DZIP1L: variants seen among roughly 807,000 people sequenced by gnomAD.
The protein encoded by DZIP1L is DAZ interacting zinc finger protein 1 like, also known as cilium assembly protein DZIP1L.
Under a neutral mutation model 88.7 loss-of-function variants are expected in DZIP1L, and 90 were observed. The observed-to-expected ratio is 1.02, with a 90% confidence interval of 0.86 to 1.21. DZIP1L has a LOEUF of 1.21. Among genes scored for constraint, DZIP1L ranks in the 50% most tolerant of loss-of-function variants. The pLI, the probability that DZIP1L is intolerant of heterozygous loss-of-function variation, is 0.00. For synonymous variants in DZIP1L, 363 were observed against 372.1 expected (o/e 0.98, Z 0.28); for missense variants, 932 against 955.8 (o/e 0.98, Z 0.33).
Position 138,103,540 on chromosome 3 carries a change from G to T in DZIP1L, c.432C>A (p.Arg144=). The T allele has an allele frequency of 6.2e-7, 1 of 1,610,740 alleles. No individual in the cohort carries two copies. ...GGGTGCTGATCATCTTGCGACGCCGGCGGCTCTCCTCCCGCACACCCTTGA... is the reference window on the plus strand; with the variant it reads ...GGGTGCTGATCATCTTGCGACGCCGTCGGCTCTCCTCCCGCACACCCTTGA... The part of the protein sequence containing the change: ...DELKGVREES[R]RRRKMISTLQ... Residue 144 remains arginine (R), a synonymous_variant, in exon 2 of 16, where the codon CGC becomes CGA. Transcript: ENST00000327532.
At chr3:138,072,585 A>G (rs1392511080) in intron 11 of DZIP1L, among the ~76,000 whole-genome samples, 1 of 152,192 alleles carries the variant, frequency 6.6e-6, no homozygotes, top group Non-Finnish European at 1.5e-5. Flanking sequence ...ATTTAATAAT[A>G]GATTTCATTG....
At chr3:138,101,526 A>C in intron 2 of DZIP1L, 1 of 798,136 alleles carries the variant, frequency 1.3e-6, no homozygotes, top group Non-Finnish European at 2.2e-6. Flanking sequence ...TCCCATCGCA[A>C]GTCTCTATCT....
At chr3:138,106,763 C>T (rs943108704) in intron 1 of DZIP1L, among the ~76,000 whole-genome samples, 27 of 151,816 alleles carry the variant, frequency 1.8e-4, no homozygotes, top group African/African-American at 5.8e-4. Flanking sequence ...ACCTGGGAGG[C>T]GGAGCTTGCA....
intron 2 of DZIP1L, chr3:138,101,356 A>G: frequency 3.3e-6 from 2 of 607,900 alleles, no homozygotes; most frequent in Non-Finnish European, 5.9e-6. Context: ...AGGTGGGTTG[A>G]GGGCTAGGGC....
intron 11 of DZIP1L, among the ~76,000 whole-genome samples, chr3:138,072,956 G>A (rs1006437519): frequency 2.6e-5 from 4 of 152,120 alleles, no homozygotes; most frequent in African/African-American, 9.7e-5. Flanking sequence ...AATCCCCCTG[G>A]GAATATAACT....
At chr3:138,071,915 G>T in intron 11 of DZIP1L, 80 bp from the exon 12 acceptor site, 1 of 1,376,992 alleles carries the variant, frequency 7.3e-7, no homozygotes, top group Non-Finnish European at 9.8e-7. Context: ...ACCTGCTGCT[G>T]CTGGCCTGGG....
In DZIP1L at chr3:138,064,489, G is replaced by A. The variant is rs114750068; in HGVS notation, c.2142+139C>T. 1.0e-3 allele frequency: 1,692 copies of A among 1,611,432 alleles called. 14 individuals carry two copies. In the African/African-American group the frequency reaches 0.021, roughly 20 times the overall value. ...ATCTCTCCATGTGCACAGGGGCAGA[G>A]GGAGGTCACCCACAATGTCCCACTA... On this transcript the variant is annotated intron_variant, in intron 15 of 15. Transcript: ENST00000327532.
intron 2 of DZIP1L, chr3:138,103,061 CACA>C (rs1576498432): frequency 4.6e-6 from 2 of 438,484 alleles, no homozygotes; most frequent in East Asian, 9.1e-5. Flanking sequence ...ATAGTACAAG[CACA>C]CATTACACAC....
intron 1 of DZIP1L, among the ~76,000 whole-genome samples, chr3:138,110,531 A>G (rs1456104487): frequency 2.6e-5 from 4 of 152,208 alleles, no homozygotes; most frequent in Admixed American, 2.6e-4. Context: ...GCTCACAGTC[A>G]AAGTTCCCTG....
rs1942747850 is a variant in DZIP1L, at chr3:138,062,651, G to A, written c.*165C>T. 1.2e-6 allele frequency: 1 copy of A among 807,678 alleles called. No individual in the cohort carries two copies. The highest frequency in any genetic ancestry group is 1.9e-6 in the Non-Finnish European group (1 of 522,048). 50.0% of individuals were successfully genotyped at this position (807,678 alleles called of 1,614,324 possible). The stretch of plus-strand genomic sequence containing the variant: ...CCATCTACAGCAGGGCCCCTCACAG[G>A]TCAGGAGGGATGAGATCATATCCAT... On this transcript the variant is annotated 3_prime_UTR_variant, in exon 16 of 16. Transcript: ENST00000327532.
In DZIP1L at chr3:138,092,437, T is replaced by C; in HGVS notation, c.816A>G (p.Lys272=). 6.2e-7 allele frequency: 1 copy of C among 1,605,860 alleles called. No individual in the cohort carries two copies. The highest frequency in any genetic ancestry group is 8.5e-7 in the Non-Finnish European group (1 of 1,176,884). The part of the protein sequence containing the change: ...KLYGEIDKLK[K]LFWDEFKNVA... The stretch of plus-strand genomic sequence containing the variant: ...CATTTTTAAATTCATCCCAAAATAA[T>C]TTTTTTAGTTTATCTATTTCCCCAT... The change falls in exon 5 of 16, where the codon AAA becomes AAG. Residue 272 remains lysine (K), a synonymous_variant. Transcript: ENST00000327532.
chr3:138,082,737 T>A (rs1490854179), intron 8 of DZIP1L, among the ~76,000 whole-genome samples: 1 of 152,244 alleles, frequency 6.6e-6, no homozygotes, highest in East Asian at 1.9e-4. Flanking sequence ...TGCCTACCTC[T>A]ACTCCAAACT....
chr3:138,077,425 C>A, intron 11 of DZIP1L, 74 bp downstream of exon 11: 1 of 1,580,476 alleles, frequency 6.3e-7, no homozygotes, highest in South Asian at 1.2e-5. Flanking sequence ...AACAATCGAT[C>A]ATTTGTCTGT....
At chr3:138,069,236 T>C (rs1396793279) in intron 12 of DZIP1L, 4 of 539,404 alleles carry the variant, frequency 7.4e-6, no homozygotes, top group Non-Finnish European at 1.3e-5. Context: ...ATAGTAAACA[T>C]ATTTGCTCTT....
chr3:138,105,155 TTC>T (rs1194621149), intron 1 of DZIP1L, among the ~76,000 whole-genome samples: 2 of 152,122 alleles, frequency 1.3e-5, no homozygotes, highest in Admixed American at 1.3e-4. Context: ...ATACCTCTAT[TTC>T]TGTTTTAATG....
rs150762111 is a variant in DZIP1L, at chr3:138,068,285, C to T, written c.1698G>A (p.Pro566=). Residue 566 remains proline (P), a synonymous_variant, in exon 13 of 16, where the codon CCG becomes CCA. Transcript: ENST00000327532. ...GACGAGTTGGTGGGGGTGGCTCTGC[C>T]GGTGTGGATGGCAAGGCCACCTGCA... ...RTLQVALPST[P]AEPPPPTRQS... 6.8e-4 allele frequency: 1,092 copies of T among 1,596,464 alleles called. No individual in the cohort carries two copies. Among genetic ancestry groups the T allele is most frequent in the Non-Finnish European group, 8.8e-4 (1,028 of 1,170,840 alleles).
chr3:138,067,434 A>G, intron 14 of DZIP1L, 97 bp downstream of exon 14: 1 of 1,363,732 alleles, frequency 7.3e-7, no homozygotes, highest in Non-Finnish European at 9.8e-7. Flanking sequence ...GAAAGCCTAA[A>G]GGAAGCTAAA....
At chr3:138,083,146 T>C (rs1943744831) in intron 8 of DZIP1L, among the ~76,000 whole-genome samples, 1 of 152,188 alleles carries the variant, frequency 6.6e-6, no homozygotes, top group Non-Finnish European at 1.5e-5. Context: ...ATACAGGACA[T>C]TACAGCCAGC....
chr3:138,102,849 G>C, intron 2 of DZIP1L: 1 of 696,274 alleles, frequency 1.4e-6, no homozygotes, highest in Non-Finnish European at 2.6e-6. Flanking sequence ...TCATGTAGAA[G>C]CAGCTGCTGA....
Sources: gnomAD v4.1 joint callset for allele counts (sites outside exome capture counted in the v4.1 genomes callset) on GRCh38, gnomAD v4.1.1 for gene constraint, MANE v1.5 for transcripts, NCBI Gene and HGNC (gene_info 2026-07-23, HGNC 2026-07-21) for gene names.